ERBB4: variants seen among roughly 807,000 people sequenced by gnomAD.
ERBB4 encodes receptor tyrosine-protein kinase erbB-4.
In ERBB4, 42 loss-of-function variants were observed where a neutral mutation model predicts 158.0. The observed-to-expected ratio is 0.27, with a 90% CI of 0.21 to 0.34. The LOEUF (loss-of-function observed/expected upper bound fraction) is 0.34, where lower values mean the gene tolerates loss of function less well. ERBB4 is among the 10% of genes least tolerant of loss of function. The pLI, the probability that ERBB4 is intolerant of heterozygous loss-of-function variation, is 1.00. For missense variants in ERBB4, 1,333 were observed against 1,624.1 expected (o/e 0.82, Z 3.08); for synonymous variants, 583 against 558.7 (o/e 1.04, Z -0.61).
intron 3 of ERBB4, among the ~76,000 whole-genome samples, chr2:211,835,772 C>T (rs1173146802): frequency 1.3e-5 from 2 of 151,734 alleles, no homozygotes; most frequent in African/African-American, 2.4e-5. Flanking sequence ...GATTCAGTAC[C>T]GTGAAGTAGG....
intron 1 of ERBB4, among the ~76,000 whole-genome samples, chr2:212,197,439 C>T (rs758533308): frequency 6.6e-6 from 1 of 152,038 alleles, no homozygotes; most frequent in African/African-American, 2.4e-5. Context: ...CTCATTTAAC[C>T]CTAACCACAC....
chr2:211,737,781 G>A (rs541004935), intron 5 of ERBB4, among the ~76,000 whole-genome samples: 3 of 152,190 alleles, frequency 2.0e-5, no homozygotes, highest in Non-Finnish European at 2.9e-5. Flanking sequence ...TTAAGTAATC[G>A]ATGAATGGTA....
At chr2:211,712,231 A>G in intron 8 of ERBB4, 55 bp from the exon 9 acceptor site, 1 of 1,537,230 alleles carries the variant, frequency 6.5e-7, no homozygotes, top group South Asian at 1.1e-5. Flanking sequence ...TTGGCCAATA[A>G]ATCATTGCAT....
In ERBB4 at chr2:212,262,396, T is replaced by C. The variant is rs182453370; in HGVS notation, c.83-137493A>G. ...TATATATATCTATAGCCAGGCATCA[T>C]TGTGCATATGAGTGGCATTCTCCTG... On this transcript the variant is annotated intron_variant, in intron 1 of 27. Coordinates refer to ENST00000342788, the MANE Select transcript of ERBB4 (RefSeq NM_005235.3). Among the ~76,000 whole-genome samples, 17 of 152,262 alleles carry C rather than the reference T, an allele frequency of 1.1e-4. 1 individual carries two copies. The highest frequency in any genetic ancestry group is 1.0e-3 in the Admixed American group (16 of 15,286).
At chr2:212,301,121 C>CTT (rs75336458) in intron 1 of ERBB4, among the ~76,000 whole-genome samples, 1,970 of 144,610 alleles carry the variant, frequency 0.014, 44 homozygotes, top group African/African-American at 0.048. Flanking sequence ...CATTGATATG[C>CTT]TTTTTTTTTT....
intron 20 of ERBB4, among the ~76,000 whole-genome samples, chr2:211,519,910 G>A (rs556193291): frequency 6.6e-6 from 1 of 152,250 alleles, no homozygotes; most frequent in Admixed American, 6.5e-5. Flanking sequence ...CTCCATGCTT[G>A]CATGTATCTC....
intron 1 of ERBB4, among the ~76,000 whole-genome samples, chr2:212,279,052 C>A (rs1359327320): frequency 6.6e-6 from 1 of 151,490 alleles, no homozygotes; most frequent in Non-Finnish European, 1.5e-5. Flanking sequence ...ATAATTAAAT[C>A]TCTCTCTTTT....
At position 211,592,986 on chromosome 2, in the gene ERBB4, C is replaced by A. The variant is rs2068521100; in HGVS notation, c.2301+26191G>T. ...GATTATTGCACCACTGCACTCCAGCCCAGGATACAGAGTGAGACTCCATCT... is the reference window on the plus strand; with the variant it reads ...GATTATTGCACCACTGCACTCCAGCACAGGATACAGAGTGAGACTCCATCT... On this transcript the variant is annotated intron_variant, in intron 19 of 27. Transcript: ENST00000342788. Among the ~76,000 whole-genome samples, 2 of 145,728 alleles carry A rather than the reference C, an allele frequency of 1.4e-5. 1 individual carries two copies. The highest frequency in any genetic ancestry group is 4.5e-4 in the South Asian group (2 of 4,476).
At chr2:211,947,722 AGTTT>A in intron 2 of ERBB4, 106 bp from the exon 3 acceptor site, 1 of 883,894 alleles carries the variant, frequency 1.1e-6, no homozygotes, top group Non-Finnish European at 1.8e-6. Context: ...TTCAGTTTTT[AGTTT>A]AATACATTAT....
intron 1 of ERBB4, among the ~76,000 whole-genome samples, chr2:212,194,328 C>A (rs1355839772): frequency 1.6e-5 from 2 of 126,542 alleles, no homozygotes; most frequent in Non-Finnish European, 3.5e-5. Flanking sequence ...ACTTTGTTTC[C>A]TTTCTAACAT....
chr2:211,616,904 T>C (rs2069412453), intron 19 of ERBB4, among the ~76,000 whole-genome samples: 1 of 152,094 alleles, frequency 6.6e-6, no homozygotes. Context: ...ATCTGTTGGT[T>C]ACCAAATCCA....
chr2:212,249,030 G>A (rs967864529), intron 1 of ERBB4, among the ~76,000 whole-genome samples: 16 of 152,190 alleles, frequency 1.1e-4, no homozygotes, highest in African/African-American at 3.8e-4. Context: ...TTTCTACAAT[G>A]TAATTATATC....
chr2:212,348,849 C>T (rs532172679), intron 1 of ERBB4, among the ~76,000 whole-genome samples: 3 of 152,132 alleles, frequency 2.0e-5, no homozygotes, highest in Admixed American at 1.3e-4. Context: ...GGCAATGAAA[C>T]TTCTGTAATG....
chr2:211,900,263 T>C (rs2079199115), intron 3 of ERBB4, among the ~76,000 whole-genome samples: 1 of 152,108 alleles, frequency 6.6e-6, no homozygotes, highest in Admixed American at 6.6e-5. Context: ...CAGGGACTTC[T>C]GAGCGTATCA....
chr2:212,433,195 T>C (rs1032913830), intron 1 of ERBB4, among the ~76,000 whole-genome samples: 2 of 152,066 alleles, frequency 1.3e-5, no homozygotes, highest in African/African-American at 4.8e-5. Context: ...GTAGCCTTCA[T>C]AGGATAATTA....
At chr2:211,413,346 A>C (rs2063309950) in intron 25 of ERBB4, among the ~76,000 whole-genome samples, 1 of 127,430 alleles carries the variant, frequency 7.8e-6, no homozygotes, top group Non-Finnish European at 1.8e-5. Context: ...ACACACACAC[A>C]CATTGATAAA....
intron 2 of ERBB4, among the ~76,000 whole-genome samples, chr2:212,006,811 G>A (rs916088156): frequency 6.6e-6 from 1 of 151,906 alleles, no homozygotes; most frequent in Non-Finnish European, 1.5e-5. Context: ...AAAGAAAAAA[G>A]AATTCCATTG....
chr2:212,208,092 T>C (rs1330303896), intron 1 of ERBB4, among the ~76,000 whole-genome samples: 1 of 152,184 alleles, frequency 6.6e-6, no homozygotes, highest in Non-Finnish European at 1.5e-5. Flanking sequence ...TTCTATATTA[T>C]CTATTTACCT....
intron 1 of ERBB4, among the ~76,000 whole-genome samples, chr2:212,152,483 T>C (rs1015808537): frequency 3.3e-5 from 5 of 152,178 alleles, no homozygotes; most frequent in African/African-American, 1.2e-4. Context: ...GGACTTTCCT[T>C]CTACAATTCT....
Sources: allele counts gnomAD v4.1 joint callset (sites outside exome capture counted in the v4.1 genomes callset), GRCh38; gene constraint gnomAD v4.1.1; transcripts MANE v1.5; gene names NCBI Gene and HGNC (gene_info 2026-07-23, HGNC 2026-07-21).